Variants in ABCC4 observed in about 807,000 individuals in gnomAD.
The protein encoded by ABCC4 is ATP binding cassette subfamily C member 4 (PEL blood group), also known as ATP-binding cassette sub-family C member 4.
In ABCC4, 102 loss-of-function variants were observed where a neutral mutation model predicts 168.5. That is an observed-to-expected ratio of 0.61 (90% CI 0.52 to 0.71). The LOEUF (loss-of-function observed/expected upper bound fraction) is 0.71, where lower values mean the gene tolerates loss of function less well. Ranked by LOEUF, ABCC4 falls within the 30% of genes least tolerant of loss-of-function variation. The pLI, the probability that ABCC4 is intolerant of heterozygous loss-of-function variation, is 0.00. For synonymous variants in ABCC4, 617 were observed against 590.7 expected, an observed-to-expected ratio of 1.04 and a Z score of -0.65; for missense variants, 1,402 against 1,605.8, an observed-to-expected ratio of 0.87 and a Z score of 2.17.
intron 29 of ABCC4, among the ~76,000 whole-genome samples, chr13:95,035,205 G>A (rs916818313): frequency 6.6e-6 from 1 of 152,128 alleles, no homozygotes; most frequent in Non-Finnish European, 1.5e-5. Flanking sequence ...ATTAATTGCC[G>A]AGCCAGTTTC....
intron 20 of ABCC4, among the ~76,000 whole-genome samples, chr13:95,084,749 G>A (rs1040739974): frequency 1.3e-5 from 2 of 152,170 alleles, no homozygotes; most frequent in African/African-American, 4.8e-5. Context: ...TGACATGTAT[G>A]AGCACGTGCA....
intron 16 of ABCC4, 21 bp from the exon 17 acceptor site, chr13:95,163,668 A>C (rs1248843005): frequency 5.6e-6 from 9 of 1,606,488 alleles, no homozygotes; most frequent in African/African-American, 1.3e-5. Context: ...AGAAACAACA[A>C]AGACAAAAAT....
chr13:95,256,480 G>A (rs2040395319), intron 1 of ABCC4, among the ~76,000 whole-genome samples: 1 of 152,346 alleles, frequency 6.6e-6, no homozygotes, highest in East Asian at 1.9e-4. Context: ...CATTGGCCGG[G>A]GACTGTGGCT....
intron 27 of ABCC4, among the ~76,000 whole-genome samples, chr13:95,048,216 A>G (rs1481897168): frequency 2.6e-5 from 4 of 152,244 alleles, no homozygotes; most frequent in African/African-American, 7.2e-5. Context: ...TCTACATTTA[A>G]TAAAGGTTGT....
intron 1 of ABCC4, among the ~76,000 whole-genome samples, chr13:95,290,223 C>G (rs1284703001): frequency 6.6e-6 from 1 of 152,030 alleles, no homozygotes; most frequent in East Asian, 1.9e-4. Flanking sequence ...GAACAGACAT[C>G]CATATTTTTA....
At chr13:95,293,351 C>A (rs2138958051) in intron 1 of ABCC4, among the ~76,000 whole-genome samples, 1 of 151,934 alleles carries the variant, frequency 6.6e-6, no homozygotes, top group South Asian at 2.1e-4. Flanking sequence ...GAGACTCCAT[C>A]TCAAAAAACA....
chr13:95,063,673 A>G (rs2033387223), intron 25 of ABCC4, among the ~76,000 whole-genome samples: 1 of 152,226 alleles, frequency 6.6e-6, no homozygotes, highest in South Asian at 2.1e-4. Flanking sequence ...TGTGTCAAGT[A>G]TCACTCCTCT....
chr13:95,202,796 G>T (rs534532995), intron 8 of ABCC4, among the ~76,000 whole-genome samples: 1 of 151,892 alleles, frequency 6.6e-6, no homozygotes, highest in African/African-American at 2.4e-5. Flanking sequence ...TTACAGGTGC[G>T]TGCCACCATG....
rs766426773 is a variant in ABCC4, at chr13:95,115,872, T to C, written c.2535+50A>G. The C allele has an allele frequency of 1.6e-5, 24 of 1,517,504 alleles. No homozygotes were observed. In the African/African-American group the frequency reaches 1.8e-4, roughly 11 times the overall value. The allele number at this position is 1,517,504 out of a possible 1,614,324, so 94.0% of individuals were successfully genotyped here. On this transcript the variant is annotated intron_variant, in intron 20 of 30. Coordinates refer to ENST00000645237, the MANE Select transcript of ABCC4 (RefSeq NM_005845.5). Reference sequence around the variant, plus strand: ...ACCCCATGAAAAGGGCTTGAAAAAATAGGAACTTCCGTTTTCCATTTGAGA... The same window carrying C: ...ACCCCATGAAAAGGGCTTGAAAAAACAGGAACTTCCGTTTTCCATTTGAGA...
At chr13:95,239,781 T>G (rs1371824323) in intron 3 of ABCC4, among the ~76,000 whole-genome samples, 1 of 152,160 alleles carries the variant, frequency 6.6e-6, no homozygotes, top group East Asian at 1.9e-4. Flanking sequence ...AATAACAAAA[T>G]TAATCATTTC....
intron 20 of ABCC4, among the ~76,000 whole-genome samples, chr13:95,088,741 C>CT (rs1220229463): frequency 5.3e-5 from 8 of 151,564 alleles, no homozygotes; most frequent in Admixed American, 3.3e-4. Context: ...TTCCTTCAAA[C>CT]TTTTTTTTAA....
chr13:95,064,252 GTGTGTGTGTATATA>G (rs1183588433), intron 25 of ABCC4, among the ~76,000 whole-genome samples: 2,848 of 118,120 alleles, frequency 0.024, 98 homozygotes, highest in South Asian at 0.031. Context: ...CCGGGTGTGT[GTGTGTGTGTATATA>G]TATATATATA....
At chr13:95,174,066 A>G (rs577121706) in intron 13 of ABCC4, among the ~76,000 whole-genome samples, 1 of 152,238 alleles carries the variant, frequency 6.6e-6, no homozygotes, top group Non-Finnish European at 1.5e-5. Context: ...GGTAGGCAAC[A>G]GTGTGGGAGA....
chr13:95,069,868 A>T (rs1010449408), intron 25 of ABCC4, among the ~76,000 whole-genome samples: 1 of 152,128 alleles, frequency 6.6e-6, no homozygotes, highest in African/African-American at 2.4e-5. Flanking sequence ...TCCTCAGTCA[A>T]TGGACACTTG....
At chr13:95,024,112 C>A (rs1408656316) in intron 30 of ABCC4, among the ~76,000 whole-genome samples, 5 of 149,322 alleles carry the variant, frequency 3.3e-5, no homozygotes, top group South Asian at 2.1e-4. Flanking sequence ...GAGGCTGAGG[C>A]AGGAGAATCA....
intron 4 of ABCC4, among the ~76,000 whole-genome samples, chr13:95,211,424 G>A (rs1000856222): frequency 3.9e-5 from 6 of 152,180 alleles, no homozygotes; most frequent in African/African-American, 1.4e-4. Context: ...GACACTGGGT[G>A]GGAGAGACCC....
At chr13:95,173,910 G>A (rs9524816) in intron 13 of ABCC4, among the ~76,000 whole-genome samples, 11,301 of 152,284 alleles carry the variant, frequency 0.074, 536 homozygotes, top group Admixed American at 0.11. Context: ...GAACCAGAGC[G>A]TGAGCCCTCT....
At chr13:95,107,183 G>T (rs1002571009) in intron 20 of ABCC4, among the ~76,000 whole-genome samples, 1 of 152,080 alleles carries the variant, frequency 6.6e-6, no homozygotes, top group Admixed American at 6.6e-5. Context: ...CTTGGAACAG[G>T]GAGGCAGAAG....
chr13:95,170,677 C>A, intron 13 of ABCC4, 49 bp from the exon 14 acceptor site: 1 of 1,137,544 alleles, frequency 8.8e-7, no homozygotes, highest in South Asian at 1.3e-5. Context: ...ATGGGGTGCT[C>A]CACATTGAAA....
Sources: gnomAD v4.1 joint callset for allele counts (sites outside exome capture counted in the v4.1 genomes callset) on GRCh38, gnomAD v4.1.1 for gene constraint, MANE v1.5 for transcripts, NCBI Gene and HGNC (gene_info 2026-07-23, HGNC 2026-07-21) for gene names.